RELN: variants seen among roughly 807,000 people sequenced by gnomAD.
RELN encodes reelin.
RELN carries 108 observed loss-of-function variants against 427.6 expected under a neutral mutation model. The observed-to-expected ratio is 0.25, with a 90% CI of 0.22 to 0.30. The LOEUF (loss-of-function observed/expected upper bound fraction) is 0.30. Among genes scored for constraint, RELN ranks in the 10% least tolerant of loss-of-function variants. RELN has a pLI of 1.00. For missense variants in RELN, 3,715 were observed against 4,302.8 expected (o/e 0.86, Z 3.82); for synonymous variants, 1,524 against 1,513.4 (o/e 1.01, Z -0.16).
intron 1 of RELN, among the ~76,000 whole-genome samples, chr7:103,934,874 T>C (rs3808018): frequency 1.3e-5 from 2 of 152,120 alleles, no homozygotes; most frequent in East Asian, 3.9e-4. Flanking sequence ...AGAATCATAG[T>C]CTTTGAAGAC....
intron 4 of RELN, among the ~76,000 whole-genome samples, chr7:103,756,339 C>T (rs572770332): frequency 1.3e-4 from 20 of 152,192 alleles, no homozygotes; most frequent in African/African-American, 3.6e-4. Context: ...CCTCCTTGAC[C>T]GATTCTGATA....
At chr7:103,872,991 A>T (rs1237512448) in intron 2 of RELN, among the ~76,000 whole-genome samples, 13 of 151,932 alleles carry the variant, frequency 8.6e-5, no homozygotes, top group Non-Finnish European at 1.8e-4. Flanking sequence ...AGGTTGAGAA[A>T]ATTAACAAAC....
intron 4 of RELN, among the ~76,000 whole-genome samples, chr7:103,761,485 G>A (rs774977538): frequency 3.9e-5 from 6 of 151,984 alleles, no homozygotes; most frequent in African/African-American, 4.8e-5. Context: ...AGAGTGTCTC[G>A]CTCTCTTGGC....
At chr7:103,496,834 G>A (rs1828856661) in intron 55 of RELN, 66 bp from the exon 56 acceptor site, 1 of 1,565,406 alleles carries the variant, frequency 6.4e-7, no homozygotes, top group South Asian at 1.1e-5. Flanking sequence ...TAAACCACCA[G>A]TATACTTCAG....
rs79349858 is a variant in RELN at position 103,554,610 on chromosome 7, C to T, written c.5798-779G>A. Among the ~76,000 whole-genome samples, 166 of 150,182 alleles carry T rather than the reference C, an allele frequency of 1.1e-3. 4 individuals are homozygous for T. In the East Asian group the frequency reaches 0.032, roughly 29 times the overall value. Reference sequence around the variant, plus strand: ...AAAAGTGAAAAAATTAAGCTTGCAACCATATTAAATTGATATACCATGGAA... The same window carrying T: ...AAAAGTGAAAAAATTAAGCTTGCAATCATATTAAATTGATATACCATGGAA... On this transcript the variant is annotated intron_variant, in intron 38 of 64. Transcript: ENST00000428762.
intron 3 of RELN, among the ~76,000 whole-genome samples, chr7:103,780,767 A>T (rs1463336884): frequency 6.6e-6 from 1 of 152,068 alleles, no homozygotes. Context: ...ATTCCATGGT[A>T]TATATGTATC....
chr7:103,654,906 G>C (rs1463795960), intron 12 of RELN, among the ~76,000 whole-genome samples: 8 of 151,982 alleles, frequency 5.3e-5, no homozygotes, highest in Non-Finnish European at 1.0e-4. Context: ...CTAACTAGTG[G>C]AAGAGCCAGG....
chr7:103,550,991 G>T, intron 41 of RELN, 76 bp downstream of exon 41: 1 of 1,192,978 alleles, frequency 8.4e-7, no homozygotes, highest in Non-Finnish European at 1.2e-6. Flanking sequence ...CCATGATAAA[G>T]TGGCAAGTGA....
chr7:103,494,240 C>T (rs879492222), intron 57 of RELN, among the ~76,000 whole-genome samples: 1 of 152,144 alleles, frequency 6.6e-6, no homozygotes, highest in Non-Finnish European at 1.5e-5. Context: ...AAAGCAAATA[C>T]ATTTTTATTT....
chr7:103,709,171 G>A (rs990649096), intron 8 of RELN, among the ~76,000 whole-genome samples: 7 of 152,040 alleles, frequency 4.6e-5, no homozygotes, highest in African/African-American at 1.7e-4. Context: ...TTTTCAGCAG[G>A]ATAGGGAGAT....
chr7:103,756,582 T>C (rs1319689598), intron 4 of RELN, among the ~76,000 whole-genome samples: 1 of 152,198 alleles, frequency 6.6e-6, no homozygotes, highest in Non-Finnish European at 1.5e-5. Flanking sequence ...TTTTATGATA[T>C]TTCAGAAAAT....
At chr7:103,661,287 G>T in intron 12 of RELN, 89 bp downstream of exon 12, 1 of 1,379,290 alleles carries the variant, frequency 7.3e-7, no homozygotes, top group Non-Finnish European at 1.0e-6. Flanking sequence ...ATTTTACGTA[G>T]TTGACAACAA....
chr7:103,669,873 CTTAT>C lies in RELN; in HGVS notation c.1290-8350_1290-8347del, dbSNP rs869052264. 5.9e-5 allele frequency among the ~76,000 whole-genome samples: 9 copies of C among 151,836 alleles called. No homozygotes were observed. In the East Asian group the frequency reaches 1.7e-3, roughly 29 times the overall value. ...AATTCTAAAATTAAAAAGCCCTTAC[CTTAT>C]TTATTATAAATACAGTGGTATCTAT... On this transcript the variant is annotated intron_variant, in intron 11 of 64. Transcript: ENST00000428762.
At chr7:103,933,726 C>G (rs189912283) in intron 1 of RELN, among the ~76,000 whole-genome samples, 119 of 152,218 alleles carry the variant, frequency 7.8e-4, no homozygotes, top group Non-Finnish European at 1.3e-3. Flanking sequence ...TCTTCCTCCC[C>G]CAGTGGGGCT....
At chr7:103,972,228 T>G (rs1054950422) in intron 1 of RELN, among the ~76,000 whole-genome samples, 1 of 152,216 alleles carries the variant, frequency 6.6e-6, no homozygotes, top group Non-Finnish European at 1.5e-5. Context: ...CTTATGGGCA[T>G]GGAAAGATGC....
At chr7:103,906,576 G>C (rs1275511474) in intron 2 of RELN, among the ~76,000 whole-genome samples, 1 of 152,056 alleles carries the variant, frequency 6.6e-6, no homozygotes, top group Non-Finnish European at 1.5e-5. Context: ...ATTCCTCTGA[G>C]CCGTTATAGA....
intron 2 of RELN, among the ~76,000 whole-genome samples, chr7:103,873,943 G>T (rs1356306924): frequency 7.2e-3 from 893 of 124,748 alleles, no homozygotes; most frequent in East Asian, 0.022. Context: ...TGAACATTGA[G>T]GTAAAAATCC....
At chr7:103,760,336 A>G (rs1791268100) in intron 4 of RELN, among the ~76,000 whole-genome samples, 1 of 152,080 alleles carries the variant, frequency 6.6e-6, no homozygotes, top group South Asian at 2.1e-4. Context: ...CTCATAGATC[A>G]CAGCAGCCTG....
intron 32 of RELN, 70 bp downstream of exon 32, chr7:103,566,531 C>T: frequency 2.5e-6 from 4 of 1,595,928 alleles, no homozygotes; most frequent in South Asian, 2.2e-5. Context: ...AAGAAACACA[C>T]AGTGCAAGGT....
Sources: allele counts gnomAD v4.1 joint callset (sites outside exome capture counted in the v4.1 genomes callset), GRCh38; gene constraint gnomAD v4.1.1; transcripts MANE v1.5; gene names NCBI Gene and HGNC (gene_info 2026-07-23, HGNC 2026-07-21).